Variants in TMEM132B observed in about 807,000 individuals in gnomAD.
TMEM132B encodes the protein transmembrane protein 132B.
Under a neutral mutation model 90.8 loss-of-function variants are expected in TMEM132B, and 18 were observed. The ratio of observed to expected loss-of-function variants is 0.20; its 90% CI spans 0.14 to 0.29. The LOEUF is 0.29. TMEM132B is among the 10% of genes least tolerant of loss of function. The pLI is 1.00. For missense variants in TMEM132B, 1,096 were observed against 1,326.8 expected, an observed-to-expected ratio of 0.83 and a Z score of 2.70; for synonymous variants, 504 against 523.3, an observed-to-expected ratio of 0.96 and a Z score of 0.50.
intron 3 of TMEM132B, among the ~76,000 whole-genome samples, chr12:125,448,141 G>A (rs545688530): frequency 6.6e-6 from 1 of 152,136 alleles, no homozygotes; most frequent in South Asian, 2.1e-4. Context: ...GTGGGTTCCT[G>A]TAATCCCAGC....
intron 4 of TMEM132B, among the ~76,000 whole-genome samples, chr12:125,548,617 C>A (rs1051366031): frequency 6.6e-6 from 1 of 152,114 alleles, no homozygotes; most frequent in Non-Finnish European, 1.5e-5. Context: ...GTCTGGATGT[C>A]GTGAGTCCAG....
chr12:125,250,506 G>A lies in TMEM132B; in HGVS notation c.67+63640G>A, dbSNP rs1874294446. On this transcript the variant is annotated intron_variant, in intron 1 of 8. Coordinates refer to ENST00000682704, the MANE Select transcript of TMEM132B (RefSeq NM_001366854.1). The stretch of plus-strand genomic sequence containing the variant: ...GTCCCCTTCCCCTCTTGCTCACACT[G>A]CCCCCAGTCCAGGATCCTGCGCAGT... 2.0e-5 allele frequency among the ~76,000 whole-genome samples: 3 copies of A among 151,996 alleles called. No homozygotes were observed. The South Asian group carries it at 6.2e-4, about 32-fold the overall frequency.
intron 5 of TMEM132B, among the ~76,000 whole-genome samples, chr12:125,612,382 G>C (rs1885853492): frequency 6.6e-6 from 1 of 151,644 alleles, no homozygotes; most frequent in African/African-American, 2.4e-5. Context: ...AGAATCGCTT[G>C]AACCCGGGAG....
At chr12:125,261,560 T>TAG (rs1874568720) in intron 1 of TMEM132B, among the ~76,000 whole-genome samples, 1 of 152,224 alleles carries the variant, frequency 6.6e-6, no homozygotes, top group Non-Finnish European at 1.5e-5. Flanking sequence ...CAAATCAGGA[T>TAG]GTATTATCTG....
At chr12:125,584,222 C>T in intron 5 of TMEM132B, 3 of 564,222 alleles carry the variant, frequency 5.3e-6, no homozygotes, top group African/African-American at 1.9e-5. Context: ...AATCCCTGAC[C>T]CTTAATCTCC....
chr12:125,289,577 G>C (rs543975647), intron 1 of TMEM132B, among the ~76,000 whole-genome samples: 2 of 152,364 alleles, frequency 1.3e-5, no homozygotes, highest in African/African-American at 4.8e-5. Flanking sequence ...AACCCAGACA[G>C]AGAATAACAA....
At chr12:125,384,281 G>A (rs886262930) in intron 2 of TMEM132B, among the ~76,000 whole-genome samples, 1 of 152,114 alleles carries the variant, frequency 6.6e-6, no homozygotes, top group Non-Finnish European at 1.5e-5. Flanking sequence ...ATTATTTAAT[G>A]TTATATCCTT....
chr12:125,496,811 T>C (rs1882573469), intron 3 of TMEM132B, among the ~76,000 whole-genome samples: 3 of 152,214 alleles, frequency 2.0e-5, no homozygotes, highest in Non-Finnish European at 1.5e-5. Context: ...CTTCTTTCTG[T>C]AGGCCTTGCG....
chr12:125,530,143 A>G (rs1033840678), intron 4 of TMEM132B, among the ~76,000 whole-genome samples: 1 of 152,244 alleles, frequency 6.6e-6, no homozygotes, highest in Non-Finnish European at 1.5e-5. Context: ...TTTACAGTCA[A>G]CAACATGCTT....
chr12:125,526,402 C>T (rs536621803), intron 4 of TMEM132B, among the ~76,000 whole-genome samples: 51 of 152,306 alleles, frequency 3.3e-4, no homozygotes, highest in South Asian at 4.2e-4. Context: ...CCCAGTTGGC[C>T]GTGGCACCTT....
intron 2 of TMEM132B, among the ~76,000 whole-genome samples, chr12:125,414,774 C>T (rs199517280): frequency 5.3e-5 from 8 of 152,210 alleles, no homozygotes; most frequent in Admixed American, 6.5e-5. Flanking sequence ...GTCCCCAGGT[C>T]GCCCTGGGAG....
At chr12:125,432,120 T>C (rs1291378060) in intron 3 of TMEM132B, among the ~76,000 whole-genome samples, 1 of 151,856 alleles carries the variant, frequency 6.6e-6, no homozygotes. Flanking sequence ...TGATTTTGTA[T>C]GCGCTGTTTG....
chr12:125,633,892 C>T (rs754962016), intron 5 of TMEM132B, among the ~76,000 whole-genome samples: 43 of 152,190 alleles, frequency 2.8e-4, no homozygotes, highest in Admixed American at 3.9e-4. Context: ...CAGCACAGCA[C>T]TGGGTCTCAT....
chr12:125,575,648 T>C (rs1884925314), intron 4 of TMEM132B, among the ~76,000 whole-genome samples: 1 of 152,092 alleles, frequency 6.6e-6, no homozygotes. Context: ...TCTGAAGTCA[T>C]GAAGATTTAT....
At chr12:125,325,400 T>C (rs1421930999) in intron 1 of TMEM132B, among the ~76,000 whole-genome samples, 2 of 152,100 alleles carry the variant, frequency 1.3e-5, no homozygotes, top group Non-Finnish European at 2.9e-5. Flanking sequence ...TGGTGCAAGC[T>C]GCCTTGTTTT....
At chr12:125,476,749 G>A (rs527811363) in intron 3 of TMEM132B, among the ~76,000 whole-genome samples, 1 of 152,272 alleles carries the variant, frequency 6.6e-6, no homozygotes, top group East Asian at 1.9e-4. Context: ...CTGCCAAACT[G>A]TTTCCAGGAG....
intron 1 of TMEM132B, among the ~76,000 whole-genome samples, chr12:125,222,494 C>A (rs1292690228): frequency 1.3e-5 from 2 of 152,108 alleles, no homozygotes; most frequent in Non-Finnish European, 2.9e-5. Flanking sequence ...AATATAGGGA[C>A]TCCATACAGC....
At chr12:125,627,681 T>C (rs1886265897) in intron 5 of TMEM132B, among the ~76,000 whole-genome samples, 1 of 152,144 alleles carries the variant, frequency 6.6e-6, no homozygotes, top group Admixed American at 6.5e-5. Flanking sequence ...GTTATACTCT[T>C]CTAGTTATTT....
At chr12:125,288,527 A>G (rs1163494845) in intron 1 of TMEM132B, among the ~76,000 whole-genome samples, 1 of 149,060 alleles carries the variant, frequency 6.7e-6, no homozygotes, top group East Asian at 2.0e-4. Context: ...TTATTCACTT[A>G]TTTTTGTAAC....
Sources: gnomAD v4.1 joint callset for allele counts (sites outside exome capture counted in the v4.1 genomes callset) on GRCh38, gnomAD v4.1.1 for gene constraint, MANE v1.5 for transcripts, NCBI Gene and HGNC (gene_info 2026-07-23, HGNC 2026-07-21) for gene names.